Variants in CSMD1 observed in about 807,000 individuals in gnomAD.
CSMD1 encodes CUB and Sushi multiple domains 1.
Under a neutral mutation model 417.5 loss-of-function variants are expected in CSMD1, and 213 were observed. The observed-to-expected ratio is 0.51, with a 90% CI of 0.46 to 0.57. CSMD1 has a LOEUF of 0.57. Ranked by LOEUF, CSMD1 falls within the 20% of genes least tolerant of loss-of-function variation. The pLI is 0.00. For missense variants in CSMD1, 6,923 were observed against 4,529.7 expected, an observed-to-expected ratio of 1.53 and a Z score of -15.17; for synonymous variants, 2,862 against 1,736.8, an observed-to-expected ratio of 1.65 and a Z score of -16.11.
chr8:3,526,767 TA>T lies in CSMD1; in HGVS notation c.1345-33042del, dbSNP rs1410941534. ...TACCCTCATTCAGTTTCCCTTCCTG[TA>T]AAACACACTTCCTAGTATTTGCAGC... is the stretch of plus-strand genomic sequence containing the variant. On this transcript the variant is annotated intron_variant, in intron 10 of 69. Transcript: ENST00000635120. Among the ~76,000 whole-genome samples, 5 of 152,334 alleles carry T rather than the reference TA, an allele frequency of 3.3e-5. No individual in the cohort carries two copies. In the East Asian group the frequency reaches 9.6e-4, roughly 29 times the overall value.
At chr8:3,867,341 G>A (rs1402659506) in intron 5 of CSMD1, among the ~76,000 whole-genome samples, 1 of 152,120 alleles carries the variant, frequency 6.6e-6, no homozygotes, top group Non-Finnish European at 1.5e-5. Context: ...TAGCCTAGGA[G>A]GACAGACTGG....
At chr8:4,096,317 G>C (rs1801006703) in intron 3 of CSMD1, among the ~76,000 whole-genome samples, 1 of 152,110 alleles carries the variant, frequency 6.6e-6, no homozygotes, top group African/African-American at 2.4e-5. Context: ...TTTGTCTGCA[G>C]AGGAAACAAC....
chr8:4,755,134 CAAAT>C (rs1292758081), intron 1 of CSMD1, among the ~76,000 whole-genome samples: 1 of 152,096 alleles, frequency 6.6e-6, no homozygotes, highest in East Asian at 1.9e-4. Context: ...GACACTGTCT[CAAAT>C]AAATAATTAA....
intron 49 of CSMD1, among the ~76,000 whole-genome samples, chr8:3,079,144 C>T (rs1274326791): frequency 3.9e-5 from 6 of 152,140 alleles, no homozygotes; most frequent in Admixed American, 3.9e-4. Context: ...CTTTCAAATC[C>T]CCTAAGATTG....
chr8:4,134,221 G>C (rs772217374), intron 3 of CSMD1, among the ~76,000 whole-genome samples: 8 of 152,172 alleles, frequency 5.3e-5, no homozygotes, highest in Admixed American at 3.9e-4. Context: ...ACGCTGAATT[G>C]TGTCTCCCCA....
At chr8:4,874,551 G>A (rs538225873) in intron 1 of CSMD1, among the ~76,000 whole-genome samples, 10 of 151,580 alleles carry the variant, frequency 6.6e-5, no homozygotes, top group East Asian at 5.8e-4. Context: ...CACCTCTCCC[G>A]GCTAATTTTT....
chr8:2,965,691 T>TA lies in CSMD1; in HGVS notation c.9280+83dup, dbSNP rs1016791589. On this transcript the variant is annotated intron_variant, in intron 59 of 69. Coordinates refer to ENST00000635120, the MANE Select transcript of CSMD1 (RefSeq NM_033225.6). ...ATTCCTAGCCCCTAGAAGGGCTACA[T>TA]AAATGCTTGCAAAATTAAACAAAGC... The TA allele has an allele frequency of 5.7e-5, 73 of 1,291,684 alleles. No homozygotes were observed. In the African/African-American group the frequency reaches 9.7e-4, roughly 17 times the overall value. The allele number at this position is 1,291,684 out of a possible 1,614,324, so 80.0% of individuals were successfully genotyped here.
At chr8:3,507,737 G>C (rs956250434) in intron 10 of CSMD1, among the ~76,000 whole-genome samples, 9 of 152,274 alleles carry the variant, frequency 5.9e-5, no homozygotes, top group South Asian at 2.1e-4. Context: ...GTTTTGATTT[G>C]CATTTCTCTG....
chr8:3,681,418 A>T (rs951016446), intron 7 of CSMD1, among the ~76,000 whole-genome samples: 3 of 152,218 alleles, frequency 2.0e-5, no homozygotes, highest in South Asian at 2.1e-4. Context: ...GAGCCAAATC[A>T]TGAGTGAACT....
chr8:3,236,080 G>T (rs1277233136), intron 26 of CSMD1, among the ~76,000 whole-genome samples: 3 of 151,588 alleles, frequency 2.0e-5, no homozygotes, highest in Non-Finnish European at 2.9e-5. Context: ...ACCACACCAG[G>T]CTAATTTTTT....
intron 3 of CSMD1, among the ~76,000 whole-genome samples, chr8:4,195,192 A>G (rs1260781978): frequency 6.6e-6 from 1 of 152,204 alleles, no homozygotes; most frequent in East Asian, 1.9e-4. Context: ...TCAATGGAAA[A>G]TAAACTAAAA....
intron 3 of CSMD1, among the ~76,000 whole-genome samples, chr8:4,140,911 C>G (rs757596545): frequency 6.6e-6 from 1 of 151,108 alleles, no homozygotes; most frequent in African/African-American, 2.5e-5. Context: ...GTAGGGCCGA[C>G]TTACTGCTAA....
chr8:4,363,274 G>C (rs926956183), intron 3 of CSMD1, among the ~76,000 whole-genome samples: 3 of 152,140 alleles, frequency 2.0e-5, no homozygotes, highest in African/African-American at 7.2e-5. Context: ...CCTTAAAGGA[G>C]CCTTTTCAAA....
chr8:3,859,126 C>G (rs1804515264), intron 5 of CSMD1, among the ~76,000 whole-genome samples: 1 of 152,174 alleles, frequency 6.6e-6, no homozygotes, highest in Non-Finnish European at 1.5e-5. Context: ...TACTATGATT[C>G]AACCTATCTC....
At chr8:4,606,772 A>T (rs968721986) in intron 2 of CSMD1, among the ~76,000 whole-genome samples, 1 of 152,224 alleles carries the variant, frequency 6.6e-6, no homozygotes, top group African/African-American at 2.4e-5. Context: ...GTAAATTTTC[A>T]AATTGACATA....
intron 2 of CSMD1, among the ~76,000 whole-genome samples, chr8:4,624,189 A>C (rs1801960026): frequency 6.6e-6 from 1 of 152,150 alleles, no homozygotes; most frequent in Non-Finnish European, 1.5e-5. Flanking sequence ...CTACTGTTCC[A>C]AGAATGAGAT....
intron 5 of CSMD1, among the ~76,000 whole-genome samples, chr8:3,825,365 A>G (rs188279393): frequency 0.011 from 1,629 of 152,240 alleles, 31 homozygotes; most frequent in African/African-American, 0.037. Context: ...CCTTGTCTGT[A>G]GTAAAAATAC....
intron 1 of CSMD1, among the ~76,000 whole-genome samples, chr8:4,885,162 G>C (rs73659222): frequency 0.017 from 2,576 of 152,070 alleles, 94 homozygotes; most frequent in African/African-American, 0.058. Context: ...AATTACAATT[G>C]ATTTGTCTAC....
chr8:4,628,646 G>A (rs1009959084), intron 2 of CSMD1, among the ~76,000 whole-genome samples: 4 of 151,502 alleles, frequency 2.6e-5, no homozygotes, highest in African/African-American at 9.7e-5. Context: ...TGCCCTGCCA[G>A]GGACACTAAA....
Sources: gnomAD v4.1 joint callset for allele counts (sites outside exome capture counted in the v4.1 genomes callset) on GRCh38, gnomAD v4.1.1 for gene constraint, MANE v1.5 for transcripts, NCBI Gene and HGNC (gene_info 2026-07-23, HGNC 2026-07-21) for gene names.